The following ZDHHC13 variants were observed in gnomAD, a reference collection of about 807,000 sequenced individuals.
The protein encoded by ZDHHC13 is zDHHC palmitoyltransferase 13.
Under a neutral mutation model 86.0 loss-of-function variants are expected in ZDHHC13, and 85 were observed. The ratio of observed to expected loss-of-function variants is 0.99; its 90% CI spans 0.83 to 1.18. ZDHHC13 has a LOEUF of 1.18. Among genes scored for constraint, ZDHHC13 ranks in the 50% most tolerant of loss-of-function variants. The pLI, the probability that ZDHHC13 is intolerant of heterozygous loss-of-function variation, is 0.00. For synonymous variants in ZDHHC13, 263 were observed against 246.4 expected, an observed-to-expected ratio of 1.07 and a Z score of -0.63; for missense variants, 711 against 730.2, an observed-to-expected ratio of 0.97 and a Z score of 0.30.
intron 1 of ZDHHC13, among the ~76,000 whole-genome samples, chr11:19,121,451 C>T (rs757022961): frequency 6.6e-6 from 1 of 152,186 alleles, no homozygotes; most frequent in Non-Finnish European, 1.5e-5. Context: ...TACAATAGTG[C>T]CCAGCACGTA....
chr11:19,125,500 T>C (rs1848853979), intron 1 of ZDHHC13, among the ~76,000 whole-genome samples: 1 of 152,194 alleles, frequency 6.6e-6, no homozygotes, highest in Non-Finnish European at 1.5e-5. Flanking sequence ...CTCTCATAGT[T>C]GTTAGTGGCA....
intron 14 of ZDHHC13, chr11:19,169,435 T>G (rs956512813): frequency 7.6e-5 from 75 of 985,288 alleles, no homozygotes; most frequent in Non-Finnish European, 8.9e-5. Flanking sequence ...GAAAAGTAGA[T>G]TTTTAGGATT....
In ZDHHC13 at chr11:19,164,349, TG is replaced by T. The variant is rs1248086138; in HGVS notation, c.1283del (p.Cys428LeufsTer6). ...ETGSLDFRTF[C>X]TSCLIRKPLR... is the part of the protein sequence containing the mutation. ...TGGCTCTCTGGACTTCAGAACATTT[TG>T]TACATCATGTCTTGTGAGTTTTTTC... On this transcript the variant is annotated frameshift_variant, in exon 12 of 17. Transcript: ENST00000446113. LOFTEE classifies it high-confidence loss of function. 6.2e-7 allele frequency: 1 copy of T among 1,613,164 alleles called. No homozygotes were observed. The highest frequency in any genetic ancestry group is 2.2e-5 in the East Asian group (1 of 44,850).
At chr11:19,164,713 G>A in intron 12 of ZDHHC13, 2 of 411,646 alleles carry the variant, frequency 4.9e-6, no homozygotes, top group South Asian at 6.5e-5. Flanking sequence ...AGGAATCAAG[G>A]GAGGAAGTAA....
chr11:19,141,642 C>A (rs922260508), intron 1 of ZDHHC13, among the ~76,000 whole-genome samples: 2 of 149,060 alleles, frequency 1.3e-5, no homozygotes, highest in Non-Finnish European at 3.0e-5. Context: ...TCATAATCCA[C>A]AGAACGGATA....
chr11:19,136,735 A>G (rs1849152835), intron 1 of ZDHHC13, among the ~76,000 whole-genome samples: 1 of 152,164 alleles, frequency 6.6e-6, no homozygotes, highest in Admixed American at 6.5e-5. Context: ...CAGAAACTCT[A>G]CAAGCCAGAA....
In ZDHHC13 at chr11:19,149,185, A is replaced by T; in HGVS notation, c.375-2A>T. On this transcript the variant is annotated splice_acceptor_variant, in intron 4 of 16. Transcript: ENST00000446113. LOFTEE classifies it high-confidence loss of function. Reference sequence around the variant, plus strand: ...GAATGGCTTTTTGTCTTCTATTTGCAGACAAGGACATTTACCTATGGTCAT... The same window carrying T: ...GAATGGCTTTTTGTCTTCTATTTGCTGACAAGGACATTTACCTATGGTCAT... The T allele has an allele frequency of 1.3e-6, 2 of 1,540,174 alleles. No homozygotes were observed. The highest frequency in any genetic ancestry group is 1.8e-6 in the Non-Finnish European group (2 of 1,133,846).
chr11:19,137,771 T>C (rs1849186089), intron 1 of ZDHHC13, among the ~76,000 whole-genome samples: 1 of 152,094 alleles, frequency 6.6e-6, no homozygotes, highest in African/African-American at 2.4e-5. Flanking sequence ...TCAAAACCGC[T>C]CAACTACATG....
Position 19,161,379 on chromosome 11 carries a change from C to T in ZDHHC13, c.1109-1924C>T, listed in dbSNP as rs182017248. Among the ~76,000 whole-genome samples, 58 of 152,058 alleles carry T rather than the reference C, an allele frequency of 3.8e-4. 1 individual carries two copies. The highest frequency in any genetic ancestry group is 1.0e-4 in the Non-Finnish European group (7 of 68,002). ...GCTCATGGTGTGGCTGCAAGGATTA[C>T]TATAAAGTGCTCACCACAGTCCCCA... On this transcript the variant is annotated intron_variant, in intron 10 of 16. Transcript: ENST00000446113.
At chr11:19,164,967 G>C in intron 12 of ZDHHC13, 85 bp from the exon 13 acceptor site, 1 of 1,135,892 alleles carries the variant, frequency 8.8e-7, no homozygotes, top group Admixed American at 2.0e-5. Context: ...ATGCCTCTGT[G>C]ACCTAAAGTT....
chr11:19,161,192 G>A (rs953088967), intron 10 of ZDHHC13, among the ~76,000 whole-genome samples: 5 of 151,974 alleles, frequency 3.3e-5, no homozygotes, highest in East Asian at 1.9e-4. Flanking sequence ...ATCTGCTTCC[G>A]CAGATACTGG....
intron 8 of ZDHHC13, 24 bp from the exon 9 acceptor site, chr11:19,155,772 C>A: frequency 6.2e-7 from 1 of 1,604,558 alleles, no homozygotes; most frequent in South Asian, 1.1e-5. Context: ...CCATAAAGTT[C>A]TAAAATTCTG....
intron 1 of ZDHHC13, among the ~76,000 whole-genome samples, chr11:19,129,561 A>G (rs907654330): frequency 6.6e-6 from 1 of 152,074 alleles, no homozygotes; most frequent in Non-Finnish European, 1.5e-5. Context: ...TTGAATATAT[A>G]TTTTATTCTG....
chr11:19,166,277 T>C (rs746100859), intron 13 of ZDHHC13, 25 bp from the exon 14 acceptor site: 6 of 1,575,964 alleles, frequency 3.8e-6, no homozygotes, highest in Non-Finnish European at 8.6e-7. Flanking sequence ...AAATATTAAG[T>C]ATGTTTTTTT....
At chr11:19,159,092 G>T in intron 10 of ZDHHC13, 52 bp downstream of exon 10, 1 of 1,329,090 alleles carries the variant, frequency 7.5e-7, no homozygotes. Flanking sequence ...CTTTAAAAGA[G>T]TAATGTTATT....
intron 1 of ZDHHC13, among the ~76,000 whole-genome samples, chr11:19,126,502 ATTTTTTT>A (rs754405966): frequency 5.3e-5 from 5 of 95,122 alleles, no homozygotes; most frequent in Non-Finnish European, 7.9e-5. Context: ...ACCCTGGCTA[ATTTTTTT>A]TTTTTTTTTT....
At chr11:19,165,004 C>T in intron 12 of ZDHHC13, 48 bp from the exon 13 acceptor site, 4 of 1,547,328 alleles carry the variant, frequency 2.6e-6, no homozygotes, top group Non-Finnish European at 3.5e-6. Context: ...TTTGTTACCA[C>T]TTTGAGACAC....
At chr11:19,140,408 A>G (rs1326096944) in intron 1 of ZDHHC13, among the ~76,000 whole-genome samples, 1 of 152,230 alleles carries the variant, frequency 6.6e-6, no homozygotes, top group Non-Finnish European at 1.5e-5. Context: ...TTAAAAAGTC[A>G]GGAAACAACA....
At chr11:19,170,153 T>C in intron 14 of ZDHHC13, 1 of 1,283,228 alleles carries the variant, frequency 7.8e-7, no homozygotes, top group Non-Finnish European at 9.8e-7. Context: ...AGTAAAGATT[T>C]TACGGACCCT....
Sources: gnomAD v4.1 joint callset for allele counts (sites outside exome capture counted in the v4.1 genomes callset) on GRCh38, gnomAD v4.1.1 for gene constraint, MANE v1.5 for transcripts, NCBI Gene and HGNC (gene_info 2026-07-23, HGNC 2026-07-21) for gene names.